JPH2: variants seen among roughly 807,000 people sequenced by gnomAD.
The protein encoded by JPH2 is junctophilin-2.
A neutral mutation model predicts 55.9 loss-of-function variants in JPH2; 38 were observed. The observed-to-expected ratio is 0.68, with a 90% CI of 0.52 to 0.89. JPH2 has a LOEUF of 0.89. JPH2 is among the 40% of genes least tolerant of loss of function. The pLI is 0.00. For missense variants in JPH2, 964 were observed against 1,037.6 expected (o/e 0.93, Z 0.97); for synonymous variants, 480 against 472.4 (o/e 1.02, Z -0.21).
At chr20:44,124,065 G>A (rs991001073) in intron 2 of JPH2, among the ~76,000 whole-genome samples, 2 of 152,146 alleles carry the variant, frequency 1.3e-5, no homozygotes, top group African/African-American at 2.4e-5. Flanking sequence ...TGGGGCCGGG[G>A]GAGGAACAGG....
In JPH2 at chr20:44,115,743, C is replaced by T. The variant is rs1037983273; in HGVS notation, c.1932G>A (p.Gly644=). 3.1e-6 allele frequency: 5 copies of T among 1,613,286 alleles called. No individual in the cohort carries two copies. The Admixed American group carries it at 8.3e-5, about 27-fold the overall frequency. ...RAKARKTEAR[G]LTKAGAKKKA... is the part of the protein sequence containing the mutation. The stretch of plus-strand genomic sequence containing the variant: ...TCTTCTTGGCCCCCGCCTTGGTCAG[C>T]CCTCGAGCCTCAGTCTTGCGGGCCT... The change falls in exon 4 of 6, where the codon GGG becomes GGA. Residue 644 remains glycine, a synonymous_variant. Transcript: ENST00000372980.
In JPH2 at chr20:44,133,899, TATAA is replaced by T. The variant is rs1237137922; in HGVS notation, c.1170-15280_1170-15277del. Among the ~76,000 whole-genome samples, 7 of 25,808 alleles carry T rather than the reference TATAA, an allele frequency of 2.7e-4. 2 individuals are homozygous for T. Among genetic ancestry groups the T allele is most frequent in the Admixed American group, 1.8e-3 (2 of 1,110 alleles). The allele number at this position is 25,808 out of a possible 152,430, so 16.9% of individuals were successfully genotyped here. A position where few individuals can be genotyped will look rare whatever the true frequency, so the allele number is the denominator to read the frequency against. On this transcript the variant is annotated intron_variant, in intron 2 of 5. Transcript: ENST00000372980. ...TAAATATATATTTATTATAAATATATATAAATAAATATACATTATAATATATAAA... is the reference window on the plus strand; with the variant it reads ...TAAATATATATTTATTATAAATATATATAAATATACATTATAATATATAAA...
intron 3 of JPH2, 55 bp downstream of exon 3, chr20:44,118,450 A>G: frequency 7.2e-7 from 1 of 1,385,856 alleles, no homozygotes; most frequent in Non-Finnish European, 1.0e-6. Flanking sequence ...AGCAAAGAAA[A>G]GCGCCCACCC....
intron 3 of JPH2, 61 bp from the exon 4 acceptor site, chr20:44,116,447 G>A: frequency 6.5e-7 from 1 of 1,531,626 alleles, no homozygotes; most frequent in Non-Finnish European, 8.8e-7. Flanking sequence ...GTGATCCTGG[G>A]CCAGCCACTT....
chr20:44,181,950 G>A (rs976995370), intron 1 of JPH2, among the ~76,000 whole-genome samples: 3 of 152,216 alleles, frequency 2.0e-5, no homozygotes, highest in South Asian at 2.1e-4. Flanking sequence ...TGTAGCGCGG[G>A]GCTAGCTGCA....
chr20:44,122,704 GTGTT>G (rs1211009441), intron 2 of JPH2, among the ~76,000 whole-genome samples: 1 of 152,174 alleles, frequency 6.6e-6, no homozygotes, highest in African/African-American at 2.4e-5. Flanking sequence ...ACGCGTGAAA[GTGTT>G]TGGTCTTGAT....
Position 44,118,523 on chromosome 20 carries a change from G to A in JPH2, c.1270C>T (p.Pro424Ser). 1 of 1,613,138 alleles carries A rather than the reference G, an allele frequency of 6.2e-7. No individual in the cohort carries two copies. Among genetic ancestry groups the A allele is most frequent in the East Asian group, 2.2e-5 (1 of 44,888 alleles). Residue 424 changes from proline to serine, a missense_variant, in exon 3 of 6, where the codon CCG becomes TCG. Transcript: ENST00000372980. The part of the protein sequence containing the change: ...IARTLARELA[P>S]DFYQPGPEYQ... ...GCCCTACCTGGCTGGTAGAAGTCCG[G>A]AGCCAGCTCCCTGGCCAAAGTGCGA...
In JPH2 at chr20:44,122,781, ATCAAAACTGAG is replaced by A. The variant is rs372571561; in HGVS notation, c.1170-4169_1170-4159del. ...AGGAGGAGGAGAATGACATCTGTAC[ATCAAAACTGAG>A]TGTGCTACATGCATATCCCCAGGCT... On this transcript the variant is annotated intron_variant, in intron 2 of 5. Coordinates refer to ENST00000372980, the MANE Select transcript of JPH2 (RefSeq NM_020433.5). 1.8e-4 allele frequency among the ~76,000 whole-genome samples: 27 copies of A among 152,292 alleles called. No homozygotes were observed. In the East Asian group the frequency reaches 4.8e-3, roughly 27 times the overall value.
In JPH2 at chr20:44,111,448, G is replaced by A. The variant is rs2145834539; in HGVS notation, c.*2070C>T. Reference sequence around the variant, plus strand: ...GAGGCTGGGGGGACTCCACCTCAAAGGGCAGGCTCTTGATTCTATTGTCAT... The same window carrying A: ...GAGGCTGGGGGGACTCCACCTCAAAAGGCAGGCTCTTGATTCTATTGTCAT... On this transcript the variant is annotated 3_prime_UTR_variant, in exon 6 of 6. Transcript: ENST00000372980. Among the ~76,000 whole-genome samples, 1 of 152,272 alleles carries A rather than the reference G, an allele frequency of 6.6e-6. No individual in the cohort carries two copies. Among genetic ancestry groups the A allele is most frequent in the South Asian group, 2.1e-4 (1 of 4,824 alleles).
intron 2 of JPH2, among the ~76,000 whole-genome samples, chr20:44,137,651 T>G (rs2072423952): frequency 6.6e-6 from 1 of 152,192 alleles, no homozygotes; most frequent in Non-Finnish European, 1.5e-5. Context: ...ACTGCATCCC[T>G]TTGTTCAAAA....
intron 2 of JPH2, among the ~76,000 whole-genome samples, chr20:44,158,729 G>C (rs2072582525): frequency 6.6e-6 from 1 of 152,164 alleles, no homozygotes. Flanking sequence ...TGAATGAATA[G>C]AAGTTTGGTT....
chr20:44,117,340 C>A (rs2072200733), intron 3 of JPH2, among the ~76,000 whole-genome samples: 1 of 152,184 alleles, frequency 6.6e-6, no homozygotes, highest in Non-Finnish European at 1.5e-5. Flanking sequence ...CTCAGGGGTT[C>A]CCACCACTCT....
At chr20:44,150,108 G>GA (rs2072521662) in intron 2 of JPH2, among the ~76,000 whole-genome samples, 1 of 151,632 alleles carries the variant, frequency 6.6e-6, no homozygotes, top group African/African-American at 2.4e-5. Flanking sequence ...ATCCATTTGA[G>GA]ACAGAATTTA....
intron 1 of JPH2, among the ~76,000 whole-genome samples, chr20:44,172,096 G>A (rs561028494): frequency 6.6e-6 from 1 of 152,304 alleles, no homozygotes; most frequent in Admixed American, 6.5e-5. Context: ...ATCTAGCAGA[G>A]ATCTCGGGCT....
At chr20:44,151,312 T>A (rs1414023250) in intron 2 of JPH2, among the ~76,000 whole-genome samples, 1 of 151,494 alleles carries the variant, frequency 6.6e-6, no homozygotes, top group Non-Finnish European at 1.5e-5. Flanking sequence ...AGGTCAGGGG[T>A]TTGAGACCAG....
At chr20:44,132,086 G>A (rs1030495759) in intron 2 of JPH2, among the ~76,000 whole-genome samples, 3 of 152,104 alleles carry the variant, frequency 2.0e-5, no homozygotes, top group African/African-American at 4.8e-5. Context: ...GTACAGAGCT[G>A]GTTAACTAAA....
In JPH2 at chr20:44,108,202, T is replaced by A. The variant is rs2072119326; in HGVS notation, c.*5316A>T. Among the ~76,000 whole-genome samples the A allele has an allele frequency of 6.6e-6, 1 of 152,226 alleles. No individual in the cohort carries two copies. The highest frequency in any genetic ancestry group is 6.5e-5 in the Admixed American group (1 of 15,286). On this transcript the variant is annotated 3_prime_UTR_variant, in exon 6 of 6. Coordinates refer to ENST00000372980, the MANE Select transcript of JPH2 (RefSeq NM_020433.5). The stretch of plus-strand genomic sequence containing the variant: ...ACTTTGTCATACTGTTACTTATCAA[T>A]GCTGGCAAGGTAACAGATACCGAGG...
chr20:44,153,891 C>A (rs138334329), intron 2 of JPH2, among the ~76,000 whole-genome samples: 228 of 152,326 alleles, frequency 1.5e-3, no homozygotes, highest in Admixed American at 2.6e-3. Context: ...ACTCTTAACA[C>A]TCACTGTGCT....
intron 2 of JPH2, among the ~76,000 whole-genome samples, chr20:44,156,538 C>T (rs2072567851): frequency 6.6e-6 from 1 of 152,116 alleles, no homozygotes; most frequent in African/African-American, 2.4e-5. Flanking sequence ...GTCAAGGCAC[C>T]AGTGGGTTCA....
Sources: allele counts gnomAD v4.1 joint callset (sites outside exome capture counted in the v4.1 genomes callset), GRCh38; gene constraint gnomAD v4.1.1; transcripts MANE v1.5; gene names NCBI Gene and HGNC (gene_info 2026-07-23, HGNC 2026-07-21).